Variants in ANKH observed in about 807,000 individuals in gnomAD.
The protein encoded by ANKH is mineralization regulator ANKH.
ANKH carries 15 observed loss-of-function variants against 49.0 expected under a neutral mutation model. That is an observed-to-expected ratio of 0.31 (90% CI 0.20 to 0.47). ANKH has a LOEUF of 0.47. Among genes scored for constraint, ANKH ranks in the 20% least tolerant of loss-of-function variants. The pLI is 1.00. For missense variants in ANKH, 429 were observed against 652.0 expected (o/e 0.66, Z 3.72); for synonymous variants, 273 against 260.0 (o/e 1.05, Z -0.48).
chr5:14,730,284 CAA>C (rs1294380790), intron 8 of ANKH, among the ~76,000 whole-genome samples: 2 of 152,104 alleles, frequency 1.3e-5, no homozygotes, highest in Non-Finnish European at 2.9e-5. Flanking sequence ...GGGCTGCTGA[CAA>C]AGAGAGTGGC....
At chr5:14,796,521 T>C (rs1025667832) in intron 1 of ANKH, among the ~76,000 whole-genome samples, 98 of 143,010 alleles carry the variant, frequency 6.9e-4, no homozygotes, top group African/African-American at 2.3e-3. Context: ...ATAAACAACA[T>C]GAAAACAGCT....
At chr5:14,860,099 C>T (rs1358218674) in intron 1 of ANKH, among the ~76,000 whole-genome samples, 1 of 152,216 alleles carries the variant, frequency 6.6e-6, no homozygotes, top group Non-Finnish European at 1.5e-5. Context: ...AATGCCTCTG[C>T]GTGGGGGTAC....
At chr5:14,775,466 A>G (rs754373999) in intron 1 of ANKH, among the ~76,000 whole-genome samples, 1 of 152,180 alleles carries the variant, frequency 6.6e-6, no homozygotes, top group Admixed American at 6.5e-5. Flanking sequence ...ATACTGCACA[A>G]TTTTCAGACT....
At position 14,713,538 on chromosome 5, in the gene ANKH, A is replaced by T; in HGVS notation, c.1265+6T>A. 1 of 1,614,066 alleles carries T rather than the reference A, an allele frequency of 6.2e-7. No individual in the cohort carries two copies. Among genetic ancestry groups the T allele is most frequent in the Non-Finnish European group, 8.5e-7 (1 of 1,179,976 alleles). ...ACCCACAGCCCCAAACTCCCTGACA[A>T]CATACCCCAGGTAGGGTAGGACCAC... On this transcript the variant is annotated splice_donor_region_variant and intron_variant, in intron 10 of 11. Transcript: ENST00000284268. The surrounding 1 kb of genome is among the most constrained non-coding windows in gnomAD (Gnocchi z 4.4).
chr5:14,731,319 T>C (rs1375249865), intron 8 of ANKH, among the ~76,000 whole-genome samples: 1 of 151,994 alleles, frequency 6.6e-6, no homozygotes, highest in Non-Finnish European at 1.5e-5. Context: ...AATGTGTCCA[T>C]AAGAACGTAA....
chr5:14,787,513 T>A (rs1740018107), intron 1 of ANKH, among the ~76,000 whole-genome samples: 1 of 151,978 alleles, frequency 6.6e-6, no homozygotes, highest in Admixed American at 6.6e-5. Context: ...TTAGGAGAAG[T>A]GGGATTAAGA....
At chr5:14,822,573 A>G (rs1256847978) in intron 1 of ANKH, among the ~76,000 whole-genome samples, 7 of 152,236 alleles carry the variant, frequency 4.6e-5, no homozygotes, top group Non-Finnish European at 1.0e-4. Context: ...ATAAAATGGT[A>G]GTGGCCTTCA....
chr5:14,730,456 C>T (rs1233114139), intron 8 of ANKH, among the ~76,000 whole-genome samples: 5 of 152,136 alleles, frequency 3.3e-5, no homozygotes, highest in Non-Finnish European at 7.3e-5. Flanking sequence ...AATTCTCTCC[C>T]AACAACCAGA....
intron 1 of ANKH, among the ~76,000 whole-genome samples, chr5:14,813,283 G>C (rs1291524524): frequency 6.6e-6 from 1 of 151,888 alleles, no homozygotes; most frequent in East Asian, 1.9e-4. Flanking sequence ...ATTATTAGCA[G>C]AACCTATTTC....
chr5:14,734,233 A>AT (rs1236917174), intron 8 of ANKH, among the ~76,000 whole-genome samples: 3 of 151,774 alleles, frequency 2.0e-5, no homozygotes, highest in Admixed American at 6.6e-5. Flanking sequence ...TGCCGTAATC[A>AT]TTTTTCCCCC....
chr5:14,714,454 A>G (rs1222213066), intron 9 of ANKH, among the ~76,000 whole-genome samples: 1 of 152,200 alleles, frequency 6.6e-6, no homozygotes, highest in African/African-American at 2.4e-5. Context: ...CCTTGAAGAG[A>G]GGGCCTGTTA....
intron 8 of ANKH, among the ~76,000 whole-genome samples, chr5:14,736,137 G>A (rs546594334): frequency 1.5e-4 from 23 of 150,406 alleles, no homozygotes; most frequent in Middle Eastern, 3.5e-3. Context: ...CTGTGCCAGC[G>A]TGGCCAGGCT....
intron 1 of ANKH, among the ~76,000 whole-genome samples, chr5:14,866,118 T>C (rs191584435): frequency 6.6e-6 from 1 of 152,212 alleles, no homozygotes; most frequent in Non-Finnish European, 1.5e-5. Context: ...AAGATTCTCC[T>C]GCCTCAGCCT....
intron 2 of ANKH, among the ~76,000 whole-genome samples, chr5:14,766,071 T>G (rs1487255211): frequency 6.6e-6 from 1 of 152,124 alleles, no homozygotes; most frequent in Non-Finnish European, 1.5e-5. Context: ...TGACTCCATT[T>G]TGTATCAAAG....
At chr5:14,791,154 G>A (rs988187050) in intron 1 of ANKH, among the ~76,000 whole-genome samples, 3 of 152,170 alleles carry the variant, frequency 2.0e-5, no homozygotes, top group East Asian at 1.9e-4. Flanking sequence ...TGGAAATCAC[G>A]TGGACCATCA....
chr5:14,754,298 G>A (rs1485646495), intron 4 of ANKH, among the ~76,000 whole-genome samples: 1 of 151,770 alleles, frequency 6.6e-6, no homozygotes, highest in African/African-American at 2.4e-5. Context: ...TCTGTCCTTG[G>A]ATGGGTACTA....
Position 14,755,918 on chromosome 5 carries a change from T to C in ANKH, c.459A>G (p.Leu153=). Residue 153 remains leucine, a synonymous_variant, in exon 4 of 12, where the codon TTA becomes TTG. Transcript: ENST00000284268. Reference sequence around the variant, plus strand: ...CCACCAGGAAACTGTATTTGTGTTTTAAGAGAATGCCAGCATGGGTCCATG... The same window carrying C: ...CCACCAGGAAACTGTATTTGTGTTTCAAGAGAATGCCAGCATGGGTCCATG... ...AMAWTHAGIL[L]KHKYSFLVGC... The C allele has an allele frequency of 6.2e-7, 1 of 1,614,126 alleles. No homozygotes were observed. The highest frequency in any genetic ancestry group is 8.5e-7 in the Non-Finnish European group (1 of 1,179,966).
rs76842489 is a variant in ANKH at position 14,806,793 on chromosome 5, A to G, written c.97-37602T>C. Among the ~76,000 whole-genome samples the G allele has an allele frequency of 1.6e-4, 25 of 152,222 alleles. 1 individual carries two copies. The highest frequency in any genetic ancestry group is 1.1e-3 in the Admixed American group (17 of 15,288). On this transcript the variant is annotated intron_variant, in intron 1 of 11. Coordinates refer to ENST00000284268, the MANE Select transcript of ANKH (RefSeq NM_054027.6). ...AAAGGAGATGGCTGGGAAAGACACA[A>G]TGAATCTCTGAACTGATGCCTATGC...
At chr5:14,775,254 A>C (rs1281588295) in intron 1 of ANKH, among the ~76,000 whole-genome samples, 1 of 151,988 alleles carries the variant, frequency 6.6e-6, no homozygotes, top group Admixed American at 6.6e-5. Context: ...TTTTTTGTAG[A>C]GATGGGGTCT....
Sources: gnomAD v4.1 joint callset for allele counts (sites outside exome capture counted in the v4.1 genomes callset) on GRCh38, gnomAD v4.1.1 for gene constraint, Gnocchi (gnomAD v3.1) non-coding constraint, MANE v1.5 for transcripts, NCBI Gene and HGNC (gene_info 2026-07-23, HGNC 2026-07-21) for gene names.